DGKB: variants seen among roughly 807,000 people sequenced by gnomAD.
The protein encoded by DGKB is 90 kDa diacylglycerol kinase.
In DGKB, 67 loss-of-function variants were observed where a neutral mutation model predicts 114.3. The ratio of observed to expected loss-of-function variants is 0.59; its 90% CI spans 0.48 to 0.72. DGKB has a LOEUF of 0.72. DGKB is among the 30% of genes least tolerant of loss of function. The pLI is 0.00. For missense variants in DGKB, 907 were observed against 975.2 expected, an observed-to-expected ratio of 0.93 and a Z score of 0.93; for synonymous variants, 398 against 323.1, an observed-to-expected ratio of 1.23 and a Z score of -2.49.
chr7:14,239,426 A>G (rs770384939), intron 23 of DGKB, among the ~76,000 whole-genome samples: 2 of 152,042 alleles, frequency 1.3e-5, no homozygotes, highest in African/African-American at 2.4e-5. Context: ...TGATCTTCAC[A>G]TGGCAGTCTG....
rs1384270146 is a variant in DGKB at position 14,147,344 on chromosome 7, G to GTAAT, written c.*1783_*1786dup. On this transcript the variant is annotated 3_prime_UTR_variant, in exon 26 of 26. Transcript: ENST00000402815. ...TTATTCAAAAGCTTTTATTTTTAAAGTAATTAAGCTTATTGTTGATTGATA... is the reference window on the plus strand; with the variant it reads ...TTATTCAAAAGCTTTTATTTTTAAAGTAATTAATTAAGCTTATTGTTGATTGATA... 1.3e-5 allele frequency: 2 copies of GTAAT among 152,108 alleles called. No homozygotes were observed. The highest frequency in any genetic ancestry group is 4.8e-5 in the African/African-American group (2 of 41,426). The allele number at this position is 152,108 out of a possible 1,614,324, so 9.4% of individuals were successfully genotyped here.
intron 2 of DGKB, among the ~76,000 whole-genome samples, chr7:14,799,356 T>C (rs1841835302): frequency 6.6e-6 from 1 of 152,232 alleles, no homozygotes; most frequent in South Asian, 2.1e-4. Context: ...GGGATCTTGA[T>C]CACCTTTCCC....
chr7:14,674,765 A>G (rs1819570843), intron 12 of DGKB, among the ~76,000 whole-genome samples: 1 of 152,132 alleles, frequency 6.6e-6, no homozygotes, highest in East Asian at 1.9e-4. Flanking sequence ...GATGCACTAC[A>G]AGACAAAGAA....
intron 1 of DGKB, among the ~76,000 whole-genome samples, chr7:14,875,777 A>G (rs1853185574): frequency 1.3e-5 from 2 of 152,148 alleles, no homozygotes; most frequent in Admixed American, 1.3e-4. Flanking sequence ...GTGGCCCAAC[A>G]CAAATTTGTA....
chr7:14,456,927 A>C (rs1442714038), intron 21 of DGKB, among the ~76,000 whole-genome samples: 2 of 152,104 alleles, frequency 1.3e-5, no homozygotes, highest in Non-Finnish European at 2.9e-5. Flanking sequence ...GCTTTACAGA[A>C]TGAAGAAAAG....
At chr7:14,158,343 C>A (rs570136363) in intron 25 of DGKB, among the ~76,000 whole-genome samples, 1 of 152,062 alleles carries the variant, frequency 6.6e-6, no homozygotes, top group African/African-American at 2.4e-5. Flanking sequence ...GCAGCATTCC[C>A]GCCACATGCC....
rs1037462122 is a variant in DGKB, at chr7:14,188,467, C to T, written c.2123-10316G>A. 1.6e-4 allele frequency among the ~76,000 whole-genome samples: 19 copies of T among 121,942 alleles called. 1 individual carries two copies. The highest frequency in any genetic ancestry group is 2.9e-4 in the Non-Finnish European group (16 of 55,046). The allele number at this position is 121,942 out of a possible 152,430, so 80.0% of individuals were successfully genotyped here. On this transcript the variant is annotated intron_variant, in intron 23 of 25. Coordinates refer to ENST00000402815, the MANE Select transcript of DGKB (RefSeq NM_001350709.2). ...CGAGGTCAGGAGATCGAGACCATCC[C>T]GGCTAAAACGGTGAAACCCCGTCTC... is the stretch of plus-strand genomic sequence containing the variant.
intron 1 of DGKB, among the ~76,000 whole-genome samples, chr7:14,855,983 ATG>A (rs1350373984): frequency 2.8e-5 from 2 of 72,116 alleles, no homozygotes; most frequent in African/African-American, 5.4e-5. Flanking sequence ...AATTTAGATA[ATG>A]TGTATATATA....
chr7:14,935,734 C>T (rs1785240631), intron 1 of DGKB, among the ~76,000 whole-genome samples: 2 of 151,964 alleles, frequency 1.3e-5, no homozygotes, highest in African/African-American at 4.8e-5. Context: ...CTTTCCTCTC[C>T]TCTCTTTTCT....
chr7:14,836,090 T>C (rs1199915909), intron 2 of DGKB, among the ~76,000 whole-genome samples: 1 of 152,134 alleles, frequency 6.6e-6, no homozygotes, highest in Non-Finnish European at 1.5e-5. Flanking sequence ...TTATGTTACA[T>C]TACGAAGGCC....
At chr7:14,579,579 T>C (rs1023177247) in intron 19 of DGKB, among the ~76,000 whole-genome samples, 3 of 152,322 alleles carry the variant, frequency 2.0e-5, no homozygotes, top group Admixed American at 2.0e-4. Flanking sequence ...GAAATGGTGA[T>C]GTCTTTATTC....
At chr7:14,250,681 C>T (rs1182455867) in intron 23 of DGKB, among the ~76,000 whole-genome samples, 1 of 152,080 alleles carries the variant, frequency 6.6e-6, no homozygotes, top group Non-Finnish European at 1.5e-5. Context: ...GTTGTAGAAG[C>T]CCACTGTTTC....
intron 21 of DGKB, among the ~76,000 whole-genome samples, chr7:14,394,852 C>A (rs972896269): frequency 3.3e-5 from 5 of 151,912 alleles, no homozygotes; most frequent in African/African-American, 1.2e-4. Flanking sequence ...ATCTTGAATC[C>A]AAAAATGAGC....
chr7:14,825,897 G>A lies in DGKB; in HGVS notation c.70+15297C>T, dbSNP rs1482098002. Reference sequence around the variant, plus strand: ...ACAAATGATAAACTATTAGGAGGAGGATTGAAGGAACACAAACACGGAGGT... The same window carrying A: ...ACAAATGATAAACTATTAGGAGGAGAATTGAAGGAACACAAACACGGAGGT... On this transcript the variant is annotated intron_variant, in intron 2 of 25. Transcript: ENST00000402815. Among the ~76,000 whole-genome samples, 3 of 152,142 alleles carry A rather than the reference G, an allele frequency of 2.0e-5. No individual in the cohort carries two copies. The East Asian group carries it at 5.8e-4, about 29-fold the overall frequency.
intron 23 of DGKB, among the ~76,000 whole-genome samples, chr7:14,263,999 G>A (rs901088283): frequency 6.6e-6 from 1 of 152,156 alleles, no homozygotes; most frequent in African/African-American, 2.4e-5. Flanking sequence ...TTTGTAATAG[G>A]GAGAGCCTCT....
chr7:14,723,502 G>T (rs1180576619), intron 5 of DGKB, among the ~76,000 whole-genome samples: 1 of 151,856 alleles, frequency 6.6e-6, no homozygotes, highest in Non-Finnish European at 1.5e-5. Flanking sequence ...TCTTCTACTT[G>T]CCCTAGGCTA....
At chr7:14,265,456 A>G (rs1365710673) in intron 23 of DGKB, among the ~76,000 whole-genome samples, 3 of 150,468 alleles carry the variant, frequency 2.0e-5, no homozygotes, top group Non-Finnish European at 1.5e-5. Flanking sequence ...ATCCTGTGAC[A>G]GTTTCATATT....
At chr7:14,467,330 G>A (rs1780630507) in intron 21 of DGKB, among the ~76,000 whole-genome samples, 1 of 150,838 alleles carries the variant, frequency 6.6e-6, no homozygotes, top group South Asian at 2.1e-4. Context: ...TAATGCATGT[G>A]TGAAATATCT....
intron 23 of DGKB, among the ~76,000 whole-genome samples, chr7:14,295,314 CA>C (rs1419122853): frequency 6.6e-6 from 1 of 152,098 alleles, no homozygotes; most frequent in Non-Finnish European, 1.5e-5. Context: ...AATTCAATCT[CA>C]AATAAATGTT....
Sources: gnomAD v4.1 joint callset for allele counts (sites outside exome capture counted in the v4.1 genomes callset) on GRCh38, gnomAD v4.1.1 for gene constraint, MANE v1.5 for transcripts, NCBI Gene and HGNC (gene_info 2026-07-23, HGNC 2026-07-21) for gene names.